PRKN: variants seen among roughly 807,000 people sequenced by gnomAD.
PRKN encodes the protein parkin RBR E3 ubiquitin protein ligase, also known as E3 ubiquitin-protein ligase parkin.
Under a neutral mutation model 59.5 loss-of-function variants are expected in PRKN, and 56 were observed. The ratio of observed to expected loss-of-function variants is 0.94; its 90% CI spans 0.76 to 1.18. The LOEUF (loss-of-function observed/expected upper bound fraction) is 1.18. Ranked by LOEUF, PRKN falls within the 50% of genes most tolerant of loss-of-function variation. PRKN has a pLI of 0.00. For synonymous variants in PRKN, 250 were observed against 222.1 expected (o/e 1.13, Z -1.12); for missense variants, 657 against 596.4 (o/e 1.10, Z -1.06).
chr6:162,458,727 A>G (rs1791026081), intron 1 of PRKN, among the ~76,000 whole-genome samples: 1 of 151,512 alleles, frequency 6.6e-6, no homozygotes, highest in African/African-American at 2.4e-5. Context: ...CAACAATAGG[A>G]TAAATTTATT....
rs80103488 is a variant in PRKN, at chr6:162,131,747, C to T, written c.534+69384G>A. ...AAAGATACTTCATATATTTCAGATA[C>T]AAAAATGTAAGATTTTTTGCACTGC... On this transcript the variant is annotated intron_variant, in intron 4 of 11. Coordinates refer to ENST00000366898, the MANE Select transcript of PRKN (RefSeq NM_004562.3). Among the ~76,000 whole-genome samples the T allele has an allele frequency of 4.8e-3, 735 of 152,176 alleles. 7 individuals are homozygous for T. The highest frequency in any genetic ancestry group is 0.017 in the African/African-American group (696 of 41,524).
intron 1 of PRKN, among the ~76,000 whole-genome samples, chr6:162,711,818 A>G (rs1214604137): frequency 6.6e-6 from 1 of 152,232 alleles, no homozygotes; most frequent in Non-Finnish European, 1.5e-5. Flanking sequence ...ATTATCATTG[A>G]CAATGAGACC....
chr6:162,305,596 A>ATGTC (rs1782185386), intron 2 of PRKN, among the ~76,000 whole-genome samples: 1 of 152,184 alleles, frequency 6.6e-6, no homozygotes, highest in African/African-American at 2.4e-5. Context: ...TGAAGATAAG[A>ATGTC]AAACTATGAG....
chr6:162,568,183 C>T (rs1780157741), intron 1 of PRKN, among the ~76,000 whole-genome samples: 1 of 152,180 alleles, frequency 6.6e-6, no homozygotes, highest in Non-Finnish European at 1.5e-5. Flanking sequence ...ATTGGGGAAA[C>T]TCTCCAGGAC....
chr6:162,474,575 AT>A (rs1295586009), intron 1 of PRKN, among the ~76,000 whole-genome samples: 1 of 152,202 alleles, frequency 6.6e-6, no homozygotes, highest in East Asian at 1.9e-4. Flanking sequence ...ATGTTTAAAA[AT>A]ATTCTATTAA....
At chr6:161,626,603 A>G (rs1433180695) in intron 7 of PRKN, among the ~76,000 whole-genome samples, 2 of 152,194 alleles carry the variant, frequency 1.3e-5, no homozygotes, top group African/African-American at 4.8e-5. Context: ...ATCCACTGAT[A>G]TTTACAGCTT....
chr6:162,438,348 T>C (rs562751134), intron 2 of PRKN, among the ~76,000 whole-genome samples: 2 of 152,318 alleles, frequency 1.3e-5, no homozygotes, highest in South Asian at 2.1e-4. Context: ...AAACAGTGCA[T>C]TGTATTTAAC....
At chr6:161,791,403 TA>T (rs889877207) in intron 6 of PRKN, among the ~76,000 whole-genome samples, 52 of 152,222 alleles carry the variant, frequency 3.4e-4, no homozygotes, top group Non-Finnish European at 7.3e-5. Flanking sequence ...TCTACAAAAA[TA>T]GCATGCGAGT....
intron 7 of PRKN, among the ~76,000 whole-genome samples, chr6:161,708,046 T>C (rs1190989722): frequency 6.6e-6 from 1 of 152,216 alleles, no homozygotes; most frequent in Non-Finnish European, 1.5e-5. Context: ...ATAATAGTTT[T>C]AGTGTCTAGA....
At chr6:162,187,973 A>T (rs1039453151) in intron 4 of PRKN, among the ~76,000 whole-genome samples, 2 of 152,178 alleles carry the variant, frequency 1.3e-5, no homozygotes, top group Admixed American at 1.3e-4. Flanking sequence ...GAACCCAGTG[A>T]GAGGTGCTTG....
chr6:162,385,999 T>G (rs1377009118), intron 2 of PRKN, among the ~76,000 whole-genome samples: 1 of 152,140 alleles, frequency 6.6e-6, no homozygotes, highest in Non-Finnish European at 1.5e-5. Flanking sequence ...AAAATCAATT[T>G]CTATAAATGA....
chr6:162,456,209 A>G (rs918705862), intron 1 of PRKN, among the ~76,000 whole-genome samples: 2 of 152,216 alleles, frequency 1.3e-5, no homozygotes, highest in Non-Finnish European at 2.9e-5. Flanking sequence ...AACAATGAAA[A>G]GGAAGAACAA....
intron 4 of PRKN, among the ~76,000 whole-genome samples, chr6:162,118,060 C>T (rs1181434737): frequency 6.6e-6 from 1 of 152,056 alleles, no homozygotes; most frequent in East Asian, 1.9e-4. Context: ...CACGCTGTTG[C>T]ACTCCAGTCT....
At chr6:161,928,903 T>G (rs1487934266) in intron 6 of PRKN, among the ~76,000 whole-genome samples, 1 of 152,166 alleles carries the variant, frequency 6.6e-6, no homozygotes, top group African/African-American at 2.4e-5. Context: ...CTAATTGGAA[T>G]AGGCTCAAGC....
intron 2 of PRKN, among the ~76,000 whole-genome samples, chr6:162,309,675 T>C (rs1782393101): frequency 1.3e-5 from 2 of 150,952 alleles, no homozygotes; most frequent in Admixed American, 1.3e-4. Flanking sequence ...TTATTTTTAA[T>C]ATTATCACAT....
chr6:161,712,515 A>G (rs1168760977), intron 7 of PRKN, among the ~76,000 whole-genome samples: 3 of 152,170 alleles, frequency 2.0e-5, no homozygotes, highest in Non-Finnish European at 2.9e-5. Flanking sequence ...AAACCTTCCA[A>G]TACCTGGGAG....
chr6:162,155,728 T>G (rs1782482899), intron 4 of PRKN, among the ~76,000 whole-genome samples: 1 of 151,936 alleles, frequency 6.6e-6, no homozygotes, highest in African/African-American at 2.4e-5. Flanking sequence ...AAGGAGCCAC[T>G]TTTGAAGTCC....
intron 7 of PRKN, among the ~76,000 whole-genome samples, chr6:161,574,999 G>A (rs1025127097): frequency 3.9e-5 from 6 of 152,110 alleles, no homozygotes; most frequent in African/African-American, 7.2e-5. Flanking sequence ...AAAAGAGAAT[G>A]TCACCTCTTT....
At chr6:162,593,207 T>C (rs1048141299) in intron 1 of PRKN, among the ~76,000 whole-genome samples, 3 of 152,250 alleles carry the variant, frequency 2.0e-5, no homozygotes, top group East Asian at 3.9e-4. Context: ...CAGAGGCAAG[T>C]ACAATCAGCA....
Sources: allele counts gnomAD v4.1 joint callset (sites outside exome capture counted in the v4.1 genomes callset), GRCh38; gene constraint gnomAD v4.1.1; transcripts MANE v1.5; gene names NCBI Gene and HGNC (gene_info 2026-07-23, HGNC 2026-07-21).